Variants in SEMA3C observed in about 807,000 individuals in gnomAD.
SEMA3C encodes the protein semaphorin-3C.
Under a neutral mutation model 89.4 loss-of-function variants are expected in SEMA3C, and 47 were observed. The observed-to-expected ratio is 0.53, with a 90% CI of 0.42 to 0.67. The LOEUF is 0.67. SEMA3C is among the 30% of genes least tolerant of loss of function. The probability of loss-of-function intolerance (pLI) is 0.00; values close to 1 mark genes in which losing one functional copy is unlikely to be tolerated. For synonymous variants in SEMA3C, 310 were observed against 320.2 expected (o/e 0.97, Z 0.34); for missense variants, 839 against 929.1 (o/e 0.90, Z 1.26).
intron 2 of SEMA3C, among the ~76,000 whole-genome samples, chr7:80,907,141 T>C (rs1239582966): frequency 1.3e-5 from 2 of 152,070 alleles, no homozygotes; most frequent in Non-Finnish European, 1.5e-5. Context: ...TGACTACTAA[T>C]GGAAAATGGA....
intron 11 of SEMA3C, among the ~76,000 whole-genome samples, chr7:80,790,513 C>T (rs572606178): frequency 6.6e-5 from 10 of 152,292 alleles, no homozygotes; most frequent in African/African-American, 2.2e-4. Flanking sequence ...ATGATCTGGC[C>T]TGAGCCAGCC....
intron 3 of SEMA3C, among the ~76,000 whole-genome samples, chr7:80,828,320 C>T (rs1205969228): frequency 6.6e-6 from 1 of 151,926 alleles, no homozygotes; most frequent in African/African-American, 2.4e-5. Context: ...CCCTATAATC[C>T]CTTTTTTCTT....
intron 2 of SEMA3C, among the ~76,000 whole-genome samples, chr7:80,840,518 GAAAAA>G (rs1171113816): frequency 3.6e-5 from 3 of 82,542 alleles, no homozygotes; most frequent in East Asian, 4.9e-4. Context: ...CTGTCTCCAG[GAAAAA>G]AAAAAAAAAA....
chr7:80,746,493 A>G (rs1225466829), intron 17 of SEMA3C, among the ~76,000 whole-genome samples: 1 of 152,162 alleles, frequency 6.6e-6, no homozygotes, highest in Non-Finnish European at 1.5e-5. Context: ...TGAGTCCAAT[A>G]TGGTAAATCC....
At chr7:80,896,365 C>T (rs997590128) in intron 2 of SEMA3C, among the ~76,000 whole-genome samples, 1 of 152,190 alleles carries the variant, frequency 6.6e-6, no homozygotes, top group Non-Finnish European at 1.5e-5. Flanking sequence ...GTTGCTCCAA[C>T]TCTAGGAGTC....
At chr7:80,795,990 T>C (rs1258252205) in intron 11 of SEMA3C, among the ~76,000 whole-genome samples, 4 of 152,198 alleles carry the variant, frequency 2.6e-5, no homozygotes, top group African/African-American at 9.6e-5. Flanking sequence ...CAAACCCTGA[T>C]TCAAGCAGCA....
At chr7:80,846,794 C>T (rs1300806926) in intron 2 of SEMA3C, among the ~76,000 whole-genome samples, 1 of 152,170 alleles carries the variant, frequency 6.6e-6, no homozygotes, top group African/African-American at 2.4e-5. Flanking sequence ...AACTTTGCAA[C>T]AGCACTATGA....
chr7:80,921,162 T>C (rs529705775), upstream of SEMA3C, among the ~76,000 whole-genome samples: 70 of 152,334 alleles, frequency 4.6e-4, no homozygotes, highest in African/African-American at 1.6e-3. Context: ...ATTCAGGGGT[T>C]TGGAGGCCTT....
chr7:80,863,230 T>TAAAAA (rs57655836), intron 2 of SEMA3C, among the ~76,000 whole-genome samples: 38 of 125,700 alleles, frequency 3.0e-4, no homozygotes, highest in African/African-American at 1.1e-3. Flanking sequence ...GACTCCATCT[T>TAAAAA]AAAAAAAAAA....
chr7:80,899,677 A>G (rs1344421315), intron 2 of SEMA3C, among the ~76,000 whole-genome samples: 2 of 152,184 alleles, frequency 1.3e-5, no homozygotes, highest in African/African-American at 4.8e-5. Flanking sequence ...AAATTAGTAA[A>G]AGAAACCAGG....
intron 2 of SEMA3C, among the ~76,000 whole-genome samples, chr7:80,906,628 C>T (rs138263871): frequency 1.3e-5 from 2 of 152,262 alleles, no homozygotes; most frequent in Non-Finnish European, 2.9e-5. Context: ...AGTGTAGTAT[C>T]TGAAATGTCT....
chr7:80,747,592 G>T (rs1787830784), intron 17 of SEMA3C, among the ~76,000 whole-genome samples: 2 of 152,004 alleles, frequency 1.3e-5, no homozygotes, highest in African/African-American at 4.8e-5. Context: ...TGCTCTGCAA[G>T]GTAATTATTA....
At chr7:80,853,639 T>C (rs957430211) in intron 2 of SEMA3C, among the ~76,000 whole-genome samples, 6 of 151,104 alleles carry the variant, frequency 4.0e-5, no homozygotes, top group African/African-American at 1.5e-4. Flanking sequence ...GCAGGAGGGG[T>C]TGGAGAGGAA....
chr7:80,821,288 T>TA (rs936381345), intron 4 of SEMA3C, among the ~76,000 whole-genome samples: 6 of 152,344 alleles, frequency 3.9e-5, no homozygotes, highest in East Asian at 1.9e-4. Flanking sequence ...TTGAGTTTTT[T>TA]AAAAAAATAA....
chr7:80,799,035 A>G (rs1016533352), intron 10 of SEMA3C, among the ~76,000 whole-genome samples: 1 of 152,208 alleles, frequency 6.6e-6, no homozygotes, highest in Non-Finnish European at 1.5e-5. Flanking sequence ...AGTTACAGGT[A>G]CTGGAAAAAA....
Position 80,775,719 on chromosome 7 carries a change from C to T in SEMA3C, c.1355-10476G>A, listed in dbSNP as rs181642131. Among the ~76,000 whole-genome samples the T allele has an allele frequency of 2.0e-3, 301 of 152,134 alleles. 1 individual carries two copies. Among genetic ancestry groups the T allele is most frequent in the Middle Eastern group, 0.017 (5 of 294 alleles). ...ACATGGTTTGAAGATTTCTGTTTCA[C>T]TGCAGAAATAGTACTGTGCATTATT... On this transcript the variant is annotated intron_variant, in intron 12 of 17. Transcript: ENST00000265361.
At chr7:80,908,517 C>T (rs78421062) in intron 2 of SEMA3C, among the ~76,000 whole-genome samples, 1,613 of 152,260 alleles carry the variant, frequency 0.011, 26 homozygotes, top group African/African-American at 0.036. Flanking sequence ...TATAGTAACA[C>T]TAGCAACTTG....
chr7:80,804,469 C>T (rs1362209026), intron 7 of SEMA3C, among the ~76,000 whole-genome samples: 1 of 152,040 alleles, frequency 6.6e-6, no homozygotes, highest in Non-Finnish European at 1.5e-5. Context: ...ATTATTTGTG[C>T]ACCAATGAGT....
At chr7:80,856,570 A>G (rs1447530325) in intron 2 of SEMA3C, among the ~76,000 whole-genome samples, 1 of 149,176 alleles carries the variant, frequency 6.7e-6, no homozygotes, top group Non-Finnish European at 1.5e-5. Context: ...AGGTTGGAAT[A>G]GGAATTTATG....
Sources: allele counts gnomAD v4.1 joint callset (sites outside exome capture counted in the v4.1 genomes callset), GRCh38; gene constraint gnomAD v4.1.1; transcripts MANE v1.5; gene names NCBI Gene and HGNC (gene_info 2026-07-23, HGNC 2026-07-21).